Variants in CACNA1A observed in about 807,000 individuals in gnomAD.
CACNA1A encodes the protein calcium voltage-gated channel subunit alpha1 A, also known as voltage-dependent P/Q-type calcium channel subunit alpha-1A.
Under a neutral mutation model 262.4 loss-of-function variants are expected in CACNA1A, and 57 were observed. The ratio of observed to expected loss-of-function variants is 0.22; its 90% CI spans 0.18 to 0.27. The LOEUF (loss-of-function observed/expected upper bound fraction) is 0.27, where lower values mean the gene tolerates loss of function less well. Among genes scored for constraint, CACNA1A ranks in the 10% least tolerant of loss-of-function variants. The pLI is 1.00. For missense variants in CACNA1A, 2,526 were observed against 3,562.8 expected, an observed-to-expected ratio of 0.71 and a Z score of 7.41; for synonymous variants, 1,431 against 1,419.3, an observed-to-expected ratio of 1.01 and a Z score of -0.18.
intron 1 of CACNA1A, among the ~76,000 whole-genome samples, chr19:13,474,733 C>T (rs1192715434): frequency 2.0e-5 from 3 of 151,882 alleles, no homozygotes; most frequent in African/African-American, 4.8e-5. Context: ...AGGAGAATCA[C>T]TTGAACCCAG....
chr19:13,390,051 A>G (rs776446139), intron 3 of CACNA1A, among the ~76,000 whole-genome samples: 6 of 151,288 alleles, frequency 4.0e-5, no homozygotes, highest in African/African-American at 4.9e-5. Context: ...CTGACCTCAC[A>G]ATCTGCCCAT....
intron 3 of CACNA1A, among the ~76,000 whole-genome samples, chr19:13,396,748 C>G (rs927951191): frequency 1.1e-4 from 17 of 152,202 alleles, no homozygotes; most frequent in African/African-American, 4.1e-4. Context: ...TGTGTGCCCT[C>G]TAGGTCAATG....
At chr19:13,388,882 C>T (rs948313334) in intron 3 of CACNA1A, among the ~76,000 whole-genome samples, 3 of 152,090 alleles carry the variant, frequency 2.0e-5, no homozygotes, top group Non-Finnish European at 4.4e-5. Flanking sequence ...TGTTTTCACC[C>T]AGAACCATAT....
chr19:13,368,207 T>A (rs2059251814), intron 4 of CACNA1A, among the ~76,000 whole-genome samples: 1 of 152,012 alleles, frequency 6.6e-6, no homozygotes, highest in South Asian at 2.1e-4. Flanking sequence ...CCCAGCTATT[T>A]GGGAGGCTGA....
At chr19:13,441,046 T>C (rs1158663633) in intron 3 of CACNA1A, among the ~76,000 whole-genome samples, 2 of 152,152 alleles carry the variant, frequency 1.3e-5, no homozygotes, top group African/African-American at 4.8e-5. Flanking sequence ...CTCCCAAGTT[T>C]AAGCGATTCA....
intron 6 of CACNA1A, 63 bp from the exon 7 acceptor site, chr19:13,335,972 G>T: frequency 1.1e-6 from 1 of 951,402 alleles, no homozygotes; most frequent in Non-Finnish European, 1.6e-6. Context: ...AACCTGACAG[G>T]TGAGGGAAGG....
intron 6 of CACNA1A, among the ~76,000 whole-genome samples, chr19:13,338,094 G>A (rs115621625): frequency 7.9e-5 from 12 of 152,200 alleles, no homozygotes; most frequent in Admixed American, 2.0e-4. Flanking sequence ...GGTGACGGGC[G>A]CCTGTAGCTA....
At chr19:13,425,166 G>A (rs2060380681) in intron 3 of CACNA1A, among the ~76,000 whole-genome samples, 1 of 152,098 alleles carries the variant, frequency 6.6e-6, no homozygotes, top group South Asian at 2.1e-4. Context: ...TGAAAACGAT[G>A]ACAAATCCTG....
At chr19:13,253,448 T>TC (rs1382165848) in intron 29 of CACNA1A, among the ~76,000 whole-genome samples, 1 of 136,304 alleles carries the variant, frequency 7.3e-6, no homozygotes, top group Non-Finnish European at 1.6e-5. Context: ...AATTATACTT[T>TC]TTTTTTTTTT....
chr19:13,416,973 C>T (rs1292633349), intron 3 of CACNA1A, among the ~76,000 whole-genome samples: 1 of 152,178 alleles, frequency 6.6e-6, no homozygotes, highest in Non-Finnish European at 1.5e-5. Flanking sequence ...TTAATATCCA[C>T]ATACGGATAT....
chr19:13,422,729 G>C (rs1035520303), intron 3 of CACNA1A, among the ~76,000 whole-genome samples: 1 of 152,204 alleles, frequency 6.6e-6, no homozygotes, highest in African/African-American at 2.4e-5. Context: ...TCACATGGGT[G>C]CTCCATGTCA....
chr19:13,481,047 G>A (rs770666908), intron 1 of CACNA1A, among the ~76,000 whole-genome samples: 12 of 152,048 alleles, frequency 7.9e-5, no homozygotes, highest in Non-Finnish European at 1.8e-4. Context: ...TCTCTGTTTC[G>A]GTTTTCTCTT....
chr19:13,408,187 G>C (rs2060047294), intron 3 of CACNA1A, among the ~76,000 whole-genome samples: 1 of 152,066 alleles, frequency 6.6e-6, no homozygotes, highest in Non-Finnish European at 1.5e-5. Context: ...GGGCAACATG[G>C]CAAAACCCCG....
chr19:13,414,043 G>A (rs1019191703), intron 3 of CACNA1A, among the ~76,000 whole-genome samples: 6 of 152,014 alleles, frequency 3.9e-5, no homozygotes, highest in Non-Finnish European at 5.9e-5. Context: ...GGGCAACATA[G>A]TGGGACCCCA....
At chr19:13,467,900 C>T (rs531134888) in intron 1 of CACNA1A, among the ~76,000 whole-genome samples, 3 of 152,008 alleles carry the variant, frequency 2.0e-5, no homozygotes, top group African/African-American at 7.2e-5. Flanking sequence ...CCACCATACC[C>T]GGCCCACATT....
In CACNA1A at chr19:13,436,566, C is replaced by A. The variant is rs532245951; in HGVS notation, c.539+16310G>T. On this transcript the variant is annotated intron_variant, in intron 3 of 46. Coordinates refer to ENST00000360228, the MANE Select transcript of CACNA1A (RefSeq NM_001127222.2). ...ATTCACTCATTCATTCATCCACTCA[C>A]TCATTCATTCACTCATTCATTCATT... Among the ~76,000 whole-genome samples, 18 of 152,218 alleles carry A rather than the reference C, an allele frequency of 1.2e-4. No individual in the cohort carries two copies. The East Asian group carries it at 2.3e-3, about 20-fold the overall frequency.
rs142209794 is a variant in CACNA1A, at chr19:13,501,524, A to G, written c.293+4408T>C. ...AGAAAAATGATAACAAGATGTCTCT[A>G]TGATCTAACCTGGATACTCCAACCC... On this transcript the variant is annotated intron_variant, in intron 1 of 46. Coordinates refer to ENST00000360228, the MANE Select transcript of CACNA1A (RefSeq NM_001127222.2). 5.3e-4 allele frequency among the ~76,000 whole-genome samples: 81 copies of G among 152,240 alleles called. 2 individuals carry two copies. The East Asian group carries it at 7.3e-3, about 14-fold the overall frequency.
intron 12 of CACNA1A, among the ~76,000 whole-genome samples, chr19:13,312,023 G>T (rs2058045643): frequency 6.6e-6 from 1 of 152,086 alleles, no homozygotes; most frequent in South Asian, 2.1e-4. Flanking sequence ...AGGTATCTGG[G>T]TGAGATTTTC....
At chr19:13,366,808 T>C (rs1301902540) in intron 4 of CACNA1A, among the ~76,000 whole-genome samples, 1 of 152,160 alleles carries the variant, frequency 6.6e-6, no homozygotes, top group African/African-American at 2.4e-5. Flanking sequence ...TATAGGCTAG[T>C]TGCTGCTCTG....
Sources: gnomAD v4.1 joint callset for allele counts (sites outside exome capture counted in the v4.1 genomes callset) on GRCh38, gnomAD v4.1.1 for gene constraint, MANE v1.5 for transcripts, NCBI Gene and HGNC (gene_info 2026-07-23, HGNC 2026-07-21) for gene names.